Variants in ZFHX3 observed in about 807,000 individuals in gnomAD.
ZFHX3 encodes the protein zinc finger homeobox protein 3.
A neutral mutation model predicts 279.1 loss-of-function variants in ZFHX3; 42 were observed. The observed-to-expected ratio is 0.15, with a 90% CI of 0.12 to 0.19. The LOEUF (loss-of-function observed/expected upper bound fraction) is 0.19. ZFHX3 is among the 10% of genes least tolerant of loss of function. The pLI is 1.00. For synonymous variants in ZFHX3, 2,293 were observed against 1,957.8 expected (o/e 1.17, Z -4.52); for missense variants, 4,981 against 4,754.0 (o/e 1.05, Z -1.40).
At chr16:73,533,660 C>T (rs1480589088) in intron 2 of ZFHX3, among the ~76,000 whole-genome samples, 1 of 152,086 alleles carries the variant, frequency 6.6e-6, no homozygotes, top group African/African-American at 2.4e-5. Flanking sequence ...CTCTGAAAAT[C>T]AATTAAGTCC....
chr16:73,787,611 GT>G (rs1394600330), intron 1 of ZFHX3, among the ~76,000 whole-genome samples: 1 of 152,154 alleles, frequency 6.6e-6, no homozygotes, highest in African/African-American at 2.4e-5. Context: ...AGGGAAATAA[GT>G]TTCATGTAGC....
chr16:73,498,761 C>G (rs1457087606), intron 2 of ZFHX3, among the ~76,000 whole-genome samples: 1 of 152,150 alleles, frequency 6.6e-6, no homozygotes, highest in East Asian at 1.9e-4. Context: ...GCCGGGAGCT[C>G]TCGAGCTGGA....
In ZFHX3 at chr16:73,861,067, A is replaced by G. The variant is rs528945591; in HGVS notation, c.-1608+30584T>C. Among the ~76,000 whole-genome samples, 147 of 151,234 alleles carry G rather than the reference A, an allele frequency of 9.7e-4. 1 individual carries two copies. The highest frequency in any genetic ancestry group is 3.4e-3 in the Middle Eastern group (1 of 292). ...CAGCCTTGGCCTTCTGGGCTCAAGT[A>G]ATTCGCCCACCTCAGCCTCCTGAGT... is the stretch of plus-strand genomic sequence containing the variant. On this transcript the variant is annotated intron_variant, in intron 1 of 17. Coordinates refer to the ZFHX3 transcript ENST00000641206.
At chr16:73,127,302 G>T in intron 7 of ZFHX3, 1 of 1,278,412 alleles carries the variant, frequency 7.8e-7, no homozygotes, top group Non-Finnish European at 1.0e-6. Flanking sequence ...GAAGAGGGAA[G>T]AAGGAAACAG....
intron 5 of ZFHX3, among the ~76,000 whole-genome samples, chr16:73,151,479 G>A (rs1026157194): frequency 2.0e-5 from 3 of 152,148 alleles, no homozygotes; most frequent in South Asian, 2.1e-4. Context: ...TTGAGGAACT[G>A]TGAGAAGGAT....
intron 3 of ZFHX3, among the ~76,000 whole-genome samples, chr16:72,946,894 G>A (rs1367219441): frequency 6.6e-6 from 1 of 152,222 alleles, no homozygotes; most frequent in Non-Finnish European, 1.5e-5. Flanking sequence ...GGACCCCGGA[G>A]CTCAGTCCCA....
chr16:73,427,744 GC>G (rs2017836943), intron 3 of ZFHX3, among the ~76,000 whole-genome samples: 1 of 151,922 alleles, frequency 6.6e-6, no homozygotes, highest in Non-Finnish European at 1.5e-5. Flanking sequence ...GACCAGCCCG[GC>G]CAATATGGTG....
intron 2 of ZFHX3, among the ~76,000 whole-genome samples, chr16:73,601,496 G>A (rs754747680): frequency 6.6e-6 from 1 of 151,162 alleles, no homozygotes; most frequent in Non-Finnish European, 1.5e-5. Context: ...ATTGTTTGGC[G>A]CTCTATTTTA....
At position 72,793,820 on chromosome 16, in the gene ZFHX3, G is replaced by T; in HGVS notation, c.8862C>A (p.Thr2954=). Residue 2954 remains threonine, a synonymous_variant, in exon 9 of 10, where the codon ACC becomes ACA. Coordinates refer to ENST00000268489, the MANE Select transcript of ZFHX3 (RefSeq NM_006885.4). The surrounding 1 kb of genome is among the most constrained non-coding windows in gnomAD (Gnocchi z 4.3). ...PGQKRFRTQM[T]NLQLKVLKSC... Reference sequence around the variant, plus strand: ...ACTTGAGGACCTTCAGCTGCAGATTGGTCATTTGAGTGCGAAAACGTTTCT... The same window carrying T: ...ACTTGAGGACCTTCAGCTGCAGATTTGTCATTTGAGTGCGAAAACGTTTCT... 6.2e-7 allele frequency: 1 copy of T among 1,614,164 alleles called. No homozygotes were observed. The highest frequency in any genetic ancestry group is 8.5e-7 in the Non-Finnish European group (1 of 1,180,028).
At chr16:73,623,404 C>G (rs1034509536) in intron 2 of ZFHX3, among the ~76,000 whole-genome samples, 9 of 152,052 alleles carry the variant, frequency 5.9e-5, no homozygotes, top group East Asian at 1.9e-4. Context: ...GAATCTTAAA[C>G]TTAAAGACTC....
chr16:72,875,664 C>T (rs1396791779), intron 4 of ZFHX3, among the ~76,000 whole-genome samples: 1 of 152,216 alleles, frequency 6.6e-6, no homozygotes, highest in Non-Finnish European at 1.5e-5. Context: ...AACTTAAAGA[C>T]TGGTATAGGG....
intron 2 of ZFHX3, among the ~76,000 whole-genome samples, chr16:73,603,961 T>G (rs1254676794): frequency 6.6e-6 from 1 of 151,846 alleles, no homozygotes; most frequent in South Asian, 2.1e-4. Flanking sequence ...GTATTTCCAG[T>G]AGAGATAGTG....
chr16:73,869,832 G>A (rs1438982978), intron 1 of ZFHX3, among the ~76,000 whole-genome samples: 2 of 152,124 alleles, frequency 1.3e-5, no homozygotes, highest in Non-Finnish European at 2.9e-5. Flanking sequence ...GGGAGGTAGC[G>A]GTCTCCTGCT....
chr16:73,477,626 G>C (rs1459387170), intron 2 of ZFHX3, among the ~76,000 whole-genome samples: 1 of 152,182 alleles, frequency 6.6e-6, no homozygotes, highest in Non-Finnish European at 1.5e-5. Flanking sequence ...GCATCATGGT[G>C]GCAGGCTGCA....
intron 1 of ZFHX3, among the ~76,000 whole-genome samples, chr16:73,832,093 G>T (rs1468411721): frequency 6.6e-6 from 1 of 152,162 alleles, no homozygotes; most frequent in South Asian, 2.1e-4. Flanking sequence ...TAGAGATGGG[G>T]TTTCACCATG....
chr16:73,562,552 C>T (rs537043110), intron 2 of ZFHX3, among the ~76,000 whole-genome samples: 2 of 146,634 alleles, frequency 1.4e-5, no homozygotes, highest in Middle Eastern at 3.5e-3. Context: ...CCCGAGATGG[C>T]GCCACTGAAC....
chr16:73,865,472 C>G (rs1232670466), intron 1 of ZFHX3, among the ~76,000 whole-genome samples: 1 of 152,098 alleles, frequency 6.6e-6, no homozygotes, highest in African/African-American at 2.4e-5. Context: ...CTCTTCATAC[C>G]CCAGTTTCCT....
At chr16:73,784,533 G>A (rs568026984) in intron 1 of ZFHX3, among the ~76,000 whole-genome samples, 2 of 152,138 alleles carry the variant, frequency 1.3e-5, no homozygotes, top group Admixed American at 6.5e-5. Flanking sequence ...CAGATCATGA[G>A]GTCAAGAGAT....
intron 4 of ZFHX3, among the ~76,000 whole-genome samples, chr16:72,850,004 TG>T (rs2037575701): frequency 6.8e-6 from 1 of 146,782 alleles, no homozygotes; most frequent in Non-Finnish European, 1.5e-5. Flanking sequence ...AAAGAAAAGG[TG>T]GGAACGGTCG....
Sources: gnomAD v4.1 joint callset for allele counts (sites outside exome capture counted in the v4.1 genomes callset) on GRCh38, gnomAD v4.1.1 for gene constraint, Gnocchi (gnomAD v3.1) non-coding constraint, MANE v1.5 for transcripts, NCBI Gene and HGNC (gene_info 2026-07-23, HGNC 2026-07-21) for gene names.